The following PRORP variants were observed in gnomAD, a reference collection of about 807,000 sequenced individuals.
The protein encoded by PRORP is protein only RNase P catalytic subunit.
PRORP carries 51 observed loss-of-function variants against 59.4 expected under a neutral mutation model. The observed-to-expected ratio is 0.86, with a 90% CI of 0.69 to 1.08. The LOEUF is 1.08. Ranked by LOEUF, PRORP falls within the 50% of genes least tolerant of loss-of-function variation. The pLI is 0.00. For missense variants in PRORP, 646 were observed against 690.3 expected (o/e 0.94, Z 0.72); for synonymous variants, 231 against 245.6 (o/e 0.94, Z 0.55).
At chr14:35,257,434 T>G (rs1006586135) in intron 5 of PRORP, among the ~76,000 whole-genome samples, 9 of 152,214 alleles carry the variant, frequency 5.9e-5, no homozygotes, top group African/African-American at 1.9e-4. Flanking sequence ...AGGTAACTTA[T>G]GTAAGTGCAA....
intron 5 of PRORP, among the ~76,000 whole-genome samples, chr14:35,261,612 A>T (rs2050905961): frequency 6.6e-6 from 1 of 151,714 alleles, no homozygotes. Context: ...GCCTGTAATC[A>T]CAGCTACTCA....
intron 6 of PRORP, among the ~76,000 whole-genome samples, chr14:35,269,197 A>G (rs985016286): frequency 1.3e-5 from 2 of 152,204 alleles, no homozygotes; most frequent in African/African-American, 2.4e-5. Flanking sequence ...TTAAGGATTA[A>G]ATAAGATAAT....
chr14:35,256,096 C>T (rs1272537063), intron 5 of PRORP, among the ~76,000 whole-genome samples: 1 of 151,336 alleles, frequency 6.6e-6, no homozygotes, highest in South Asian at 2.1e-4. Context: ...CCAGCCTGGC[C>T]AACATGGTGA....
chr14:35,181,360 G>T (rs984989220), intron 5 of PRORP, among the ~76,000 whole-genome samples: 1 of 152,032 alleles, frequency 6.6e-6, no homozygotes, highest in Admixed American at 6.6e-5. Flanking sequence ...GGCTAATTTT[G>T]TATAGTAAAT....
In PRORP at chr14:35,123,698, T is replaced by G. The variant is rs1198603767; in HGVS notation, c.453T>G (p.Cys151Trp). The G allele has an allele frequency of 6.2e-7, 1 of 1,614,232 alleles. No homozygotes were observed. The highest frequency in any genetic ancestry group is 8.5e-7 in the Non-Finnish European group (1 of 1,180,048). The change falls in exon 2 of 8, where the codon TGT becomes TGG. Residue 151 changes from cysteine to tryptophan, a missense_variant. Cys to Trp is a radical substitution (Grantham distance 215). Coordinates refer to ENST00000534898, the MANE Select transcript of PRORP (RefSeq NM_014672.4). ...ESWIISQMAG[C>W]HSSIDVAKSL... ...GGATCATTTCACAGATGGCTGGCTGTCATAGCTCTATAGATGTGGCTAAAT... is the reference window on the plus strand; with the variant it reads ...GGATCATTTCACAGATGGCTGGCTGGCATAGCTCTATAGATGTGGCTAAAT...
chr14:35,169,968 G>A (rs2048275335), intron 4 of PRORP, among the ~76,000 whole-genome samples: 1 of 152,136 alleles, frequency 6.6e-6, no homozygotes, highest in Non-Finnish European at 1.5e-5. Flanking sequence ...CCTTTGTTCT[G>A]TCAGCTTTTC....
chr14:35,232,187 T>TG (rs1453664824), intron 5 of PRORP, among the ~76,000 whole-genome samples: 1 of 151,318 alleles, frequency 6.6e-6, no homozygotes, highest in Non-Finnish European at 1.5e-5. Context: ...GGTATGGCCA[T>TG]GCAGATTTTT....
At chr14:35,187,246 G>T (rs1010661595) in intron 5 of PRORP, among the ~76,000 whole-genome samples, 5 of 152,100 alleles carry the variant, frequency 3.3e-5, no homozygotes, top group African/African-American at 9.7e-5. Context: ...GTTTTCCAAA[G>T]CATCTGCACC....
chr14:35,124,591 A>G (rs933617917), intron 2 of PRORP, among the ~76,000 whole-genome samples: 2 of 151,478 alleles, frequency 1.3e-5, no homozygotes, highest in African/African-American at 4.9e-5. Context: ...AAGTAACAAC[A>G]TACATAATTT....
rs74043857 is a variant in PRORP, at chr14:35,209,312, C to A, written c.1275+28535C>A. Among the ~76,000 whole-genome samples, 314 of 152,310 alleles carry A rather than the reference C, an allele frequency of 2.1e-3. 4 individuals carry two copies. Among genetic ancestry groups the A allele is most frequent in the African/African-American group, 7.3e-3 (304 of 41,566 alleles). On this transcript the variant is annotated intron_variant, in intron 5 of 7. Transcript: ENST00000534898. Reference sequence around the variant, plus strand: ...AGTAATATGTAGCTAGTGGCTTCCACGTTGGACAGCAGTTCTAGACCTTCA... The same window carrying A: ...AGTAATATGTAGCTAGTGGCTTCCAAGTTGGACAGCAGTTCTAGACCTTCA...
At chr14:35,255,295 T>C (rs1307752732) in intron 5 of PRORP, among the ~76,000 whole-genome samples, 1 of 151,856 alleles carries the variant, frequency 6.6e-6, no homozygotes, top group Non-Finnish European at 1.5e-5. Context: ...GCCTGGCTAA[T>C]TTTTTTGTAT....
intron 6 of PRORP, among the ~76,000 whole-genome samples, chr14:35,269,302 A>G (rs575589648): frequency 6.6e-6 from 1 of 152,352 alleles, no homozygotes; most frequent in African/African-American, 2.4e-5. Flanking sequence ...TATTTTCCTT[A>G]TATGGAAAAA....
chr14:35,243,246 A>G (rs1379789410), intron 5 of PRORP, among the ~76,000 whole-genome samples: 1 of 152,154 alleles, frequency 6.6e-6, no homozygotes, highest in Non-Finnish European at 1.5e-5. Flanking sequence ...AGAATAAAGG[A>G]CAGGACCCGG....
At position 35,188,961 on chromosome 14, in the gene PRORP, A is replaced by AAGAAAG. The variant is rs1555326790; in HGVS notation, c.1275+8185_1275+8186insGAAAGA. Among the ~76,000 whole-genome samples the AAGAAAG allele has an allele frequency of 2.3e-4, 30 of 132,760 alleles. 2 individuals carry two copies. The highest frequency in any genetic ancestry group is 2.5e-4 in the Non-Finnish European group (16 of 63,416). The allele number at this position is 132,760 out of a possible 152,430, so 87.1% of individuals were successfully genotyped here. A position where few individuals can be genotyped will look rare whatever the true frequency, so the allele number is the denominator to read the frequency against. On this transcript the variant is annotated intron_variant, in intron 5 of 7. Transcript: ENST00000534898. ...CTGTCTAAAAAAAAAAAAAAAAAAA[A>AAGAAAG]AAAGTATTGCCTAATCCAAGGTCAT...
chr14:35,199,752 T>C (rs1242244995), intron 5 of PRORP, among the ~76,000 whole-genome samples: 1 of 152,250 alleles, frequency 6.6e-6, no homozygotes, highest in African/African-American at 2.4e-5. Context: ...ACCGTAGTAT[T>C]TCTTTAATGT....
chr14:35,247,813 T>C (rs2050519519), intron 5 of PRORP, among the ~76,000 whole-genome samples: 2 of 152,178 alleles, frequency 1.3e-5, no homozygotes, highest in Non-Finnish European at 2.9e-5. Context: ...GAAACACAGA[T>C]ATCTTACAGA....
chr14:35,261,088 G>A (rs569332374), intron 5 of PRORP, among the ~76,000 whole-genome samples: 62 of 152,242 alleles, frequency 4.1e-4, no homozygotes, highest in Admixed American at 3.1e-3. Context: ...CTCTTTCCTG[G>A]TCTTTGGCTA....
At chr14:35,160,769 T>C (rs928722063) in intron 4 of PRORP, among the ~76,000 whole-genome samples, 1 of 152,216 alleles carries the variant, frequency 6.6e-6, no homozygotes, top group African/African-American at 2.4e-5. Context: ...TTCTCACAAG[T>C]TTGTTTTGAG....
intron 5 of PRORP, among the ~76,000 whole-genome samples, chr14:35,253,355 GAGAA>G (rs1262690176): frequency 0.04 from 4,472 of 112,908 alleles, 197 homozygotes; most frequent in African/African-American, 0.11. Context: ...GAGAGAGAGA[GAGAA>G]AGAAAGAAAG....
Sources: allele counts gnomAD v4.1 joint callset (sites outside exome capture counted in the v4.1 genomes callset), GRCh38; gene constraint gnomAD v4.1.1; transcripts MANE v1.5; gene names NCBI Gene and HGNC (gene_info 2026-07-23, HGNC 2026-07-21).